Variants in SPIRE1 observed in about 807,000 individuals in gnomAD.
SPIRE1 encodes protein spire homolog 1.
In SPIRE1, 40 loss-of-function variants were observed where a neutral mutation model predicts 94.1. The observed-to-expected ratio is 0.43, with a 90% CI of 0.33 to 0.55. The LOEUF (loss-of-function observed/expected upper bound fraction) is 0.55. SPIRE1 is among the 20% of genes least tolerant of loss of function. SPIRE1 has a pLI of 0.06. For synonymous variants in SPIRE1, 376 were observed against 371.7 expected, an observed-to-expected ratio of 1.01 and a Z score of -0.13; for missense variants, 838 against 975.2, an observed-to-expected ratio of 0.86 and a Z score of 1.87.
chr18:12,573,440 C>T (rs1264396829), intron 2 of SPIRE1, among the ~76,000 whole-genome samples: 1 of 152,156 alleles, frequency 6.6e-6, no homozygotes, highest in Non-Finnish European at 1.5e-5. Context: ...CACACTATTA[C>T]CAAATGATCT....
intron 1 of SPIRE1, among the ~76,000 whole-genome samples, chr18:12,646,287 C>G (rs1229208779): frequency 6.6e-6 from 1 of 152,178 alleles, no homozygotes; most frequent in African/African-American, 2.4e-5. Context: ...TGTCACCAGG[C>G]AGGGTCAGCC....
At chr18:12,521,474 T>C (rs2034356596) in intron 4 of SPIRE1, among the ~76,000 whole-genome samples, 1 of 151,952 alleles carries the variant, frequency 6.6e-6, no homozygotes, top group Non-Finnish European at 1.5e-5. Flanking sequence ...GCTGGGATTA[T>C]AGGCGTGCAC....
Position 12,479,884 on chromosome 18 carries a change from C to T in SPIRE1, c.1232-13G>A. ...GGGGTAGTCACATCTGGTAAAAAAG[C>T]AAAAGCTTACCTTTTCTTGAGCCAA... On this transcript the variant is annotated splice_polypyrimidine_tract_variant and intron_variant, in intron 9 of 16. Transcript: ENST00000409402. 6.2e-7 allele frequency: 1 copy of T among 1,608,730 alleles called. No homozygotes were observed. Among genetic ancestry groups the T allele is most frequent in the Non-Finnish European group, 8.5e-7 (1 of 1,178,078 alleles).
At chr18:12,529,347 C>A (rs982400759) in intron 4 of SPIRE1, among the ~76,000 whole-genome samples, 1 of 148,052 alleles carries the variant, frequency 6.8e-6, no homozygotes, top group African/African-American at 2.5e-5. Context: ...CCAGCTTAGA[C>A]GACAGAGCAA....
At chr18:12,641,791 T>A (rs2038093340) in intron 1 of SPIRE1, among the ~76,000 whole-genome samples, 1 of 151,538 alleles carries the variant, frequency 6.6e-6, no homozygotes, top group African/African-American at 2.4e-5. Flanking sequence ...AACAAAATCA[T>A]CTTTGCCAAG....
At position 12,446,649 on chromosome 18, in the gene SPIRE1, C is replaced by T. The variant is rs150368300; in HGVS notation, c.*2989G>A. 27 of 152,292 alleles carry T rather than the reference C, an allele frequency of 1.8e-4. No homozygotes were observed. The highest frequency in any genetic ancestry group is 5.5e-4 in the African/African-American group (23 of 41,572). 9.4% of individuals were successfully genotyped at this position (152,292 alleles called of 1,614,324 possible). A position where few individuals can be genotyped will look rare whatever the true frequency, so the allele number is the denominator to read the frequency against. ...CACGCAGGAAGCCTAGTAAAAGCCC[C>T]GTCAGTAGTACACATTTCTCTATGG... On this transcript the variant is annotated 3_prime_UTR_variant, in exon 17 of 17. Coordinates refer to ENST00000409402, the MANE Select transcript of SPIRE1 (RefSeq NM_001128626.2).
At chr18:12,457,711 TG>T (rs1333485321) in intron 12 of SPIRE1, among the ~76,000 whole-genome samples, 29 of 145,122 alleles carry the variant, frequency 2.0e-4, no homozygotes, top group African/African-American at 6.5e-4. Flanking sequence ...TTTTTTTTTT[TG>T]ATGATTATTC....
At chr18:12,640,854 A>G (rs1259021773) in intron 1 of SPIRE1, among the ~76,000 whole-genome samples, 2 of 152,124 alleles carry the variant, frequency 1.3e-5, no homozygotes. Flanking sequence ...ATGAGTTCAG[A>G]TTTGACTTTA....
At chr18:12,508,308 G>A (rs1298855218) in intron 5 of SPIRE1, among the ~76,000 whole-genome samples, 4 of 151,854 alleles carry the variant, frequency 2.6e-5, no homozygotes, top group Non-Finnish European at 5.9e-5. Context: ...AAAAATGTTG[G>A]GTTTGGACAA....
intron 4 of SPIRE1, among the ~76,000 whole-genome samples, chr18:12,514,635 CTCAA>C (rs1197961202): frequency 2.0e-5 from 3 of 152,230 alleles, no homozygotes; most frequent in South Asian, 2.1e-4. Flanking sequence ...TAAGAGGAAG[CTCAA>C]TCAGAGGGAG....
At chr18:12,484,455 TAC>T (rs1275994189) in intron 9 of SPIRE1, among the ~76,000 whole-genome samples, 1 of 152,212 alleles carries the variant, frequency 6.6e-6, no homozygotes, top group Non-Finnish European at 1.5e-5. Flanking sequence ...TGTAAAATAT[TAC>T]AGTCATGCCT....
rs149161859 is a variant in SPIRE1, at chr18:12,493,162, G to A, written c.1099C>T (p.Arg367Trp). Residue 367 changes from arginine to tryptophan, a missense_variant, in exon 8 of 17, where the codon CGG becomes TGG. This residue lies in a region of SPIRE1 where 645 missense variants were observed against 804.7 expected (regional missense o/e 0.80). Transcript: ENST00000409402. The part of the protein sequence containing the change: ...RKLKPTPPRP[R>W]SLHERILEEI... ...TCTAATATTCTTTCATGGAGGCTCC[G>A]TGGCCGTGGTGGAGTTGGTTTCAGT... 14 of 1,613,546 alleles carry A rather than the reference G, an allele frequency of 8.7e-6. No individual in the cohort carries two copies. Among genetic ancestry groups the A allele is most frequent in the South Asian group, 4.4e-5 (4 of 90,998 alleles).
chr18:12,533,606 T>C (rs1015994636), intron 4 of SPIRE1, among the ~76,000 whole-genome samples: 1 of 152,132 alleles, frequency 6.6e-6, no homozygotes, highest in Non-Finnish European at 1.5e-5. Context: ...TCAGAAATAG[T>C]TTCTAAGAAT....
chr18:12,650,083 A>G (rs2038334165), intron 1 of SPIRE1, among the ~76,000 whole-genome samples: 1 of 152,146 alleles, frequency 6.6e-6, no homozygotes, highest in African/African-American at 2.4e-5. Context: ...TACTAAAAAT[A>G]CAAAAATTAG....
intron 12 of SPIRE1, among the ~76,000 whole-genome samples, chr18:12,461,907 A>T (rs1187348641): frequency 6.6e-6 from 1 of 152,240 alleles, no homozygotes; most frequent in Non-Finnish European, 1.5e-5. Context: ...TGCTGGGATT[A>T]CAGGTGTGAG....
intron 4 of SPIRE1, among the ~76,000 whole-genome samples, chr18:12,521,842 G>T (rs2034370133): frequency 6.6e-6 from 1 of 151,864 alleles, no homozygotes; most frequent in Non-Finnish European, 1.5e-5. Flanking sequence ...ATTGCTTTGG[G>T]GTGCTCATGA....
At chr18:12,537,759 C>T (rs1427541426) in intron 3 of SPIRE1, among the ~76,000 whole-genome samples, 1 of 152,056 alleles carries the variant, frequency 6.6e-6, no homozygotes, top group Non-Finnish European at 1.5e-5. Flanking sequence ...ACTCCATTTA[C>T]AATTGCATCA....
chr18:12,510,709 AT>A (rs1385067992), intron 5 of SPIRE1, among the ~76,000 whole-genome samples: 2 of 151,702 alleles, frequency 1.3e-5, no homozygotes, highest in African/African-American at 4.8e-5. Context: ...CACCTGGCTA[AT>A]TTTTGTATTT....
At chr18:12,480,211 A>G (rs1014417022) in intron 9 of SPIRE1, among the ~76,000 whole-genome samples, 4 of 152,216 alleles carry the variant, frequency 2.6e-5, no homozygotes, top group African/African-American at 9.7e-5. Context: ...CCAGTGATGT[A>G]TGGATGAAGA....
Sources: gnomAD v4.1 joint callset for allele counts (sites outside exome capture counted in the v4.1 genomes callset) on GRCh38, gnomAD v4.1.1 for gene constraint, gnomAD v4.1.1 regional missense constraint, MANE v1.5 for transcripts, NCBI Gene and HGNC (gene_info 2026-07-23, HGNC 2026-07-21) for gene names.